The following CHRM3 variants were observed in gnomAD, a reference collection of about 807,000 sequenced individuals.
The protein encoded by CHRM3 is muscarinic acetylcholine receptor M3.
CHRM3 carries 11 observed loss-of-function variants against 41.8 expected under a neutral mutation model. The ratio of observed to expected loss-of-function variants is 0.26; its 90% CI spans 0.17 to 0.44. CHRM3 has a LOEUF of 0.44. Among genes scored for constraint, CHRM3 ranks in the 20% least tolerant of loss-of-function variants. The pLI, the probability that CHRM3 is intolerant of heterozygous loss-of-function variation, is 1.00. For missense variants in CHRM3, 571 were observed against 745.4 expected, an observed-to-expected ratio of 0.77 and a Z score of 2.72; for synonymous variants, 297 against 301.4, an observed-to-expected ratio of 0.99 and a Z score of 0.15.
intron 6 of CHRM3, among the ~76,000 whole-genome samples, chr1:239,831,946 C>T (rs893368035): frequency 1.3e-5 from 2 of 152,212 alleles, no homozygotes. Flanking sequence ...CATTACCATG[C>T]TTTATGTGAT....
At chr1:239,405,605 T>A (rs545294370) in intron 1 of CHRM3, among the ~76,000 whole-genome samples, 2 of 148,988 alleles carry the variant, frequency 1.3e-5, no homozygotes, top group Non-Finnish European at 1.5e-5. Context: ...CATTTTTCTT[T>A]AAAAAAAAAA....
intron 1 of CHRM3, among the ~76,000 whole-genome samples, chr1:239,417,347 C>G (rs191025617): frequency 6.6e-6 from 1 of 152,218 alleles, no homozygotes; most frequent in Non-Finnish European, 1.5e-5. Flanking sequence ...TGAGCTTGTT[C>G]CATTTGGTTG....
At chr1:239,768,645 G>A (rs1274728700) in intron 5 of CHRM3, among the ~76,000 whole-genome samples, 3 of 152,200 alleles carry the variant, frequency 2.0e-5, no homozygotes, top group Admixed American at 6.5e-5. Context: ...ATCCTTAGAC[G>A]CTGTGGTGAT....
chr1:239,830,455 G>A (rs1311822847), intron 6 of CHRM3, among the ~76,000 whole-genome samples: 2 of 152,186 alleles, frequency 1.3e-5, no homozygotes, highest in Non-Finnish European at 2.9e-5. Flanking sequence ...TGTAATCCCA[G>A]CACTTTGGGA....
intron 2 of CHRM3, among the ~76,000 whole-genome samples, chr1:239,509,453 C>T (rs531995663): frequency 6.6e-6 from 1 of 152,230 alleles, no homozygotes; most frequent in Non-Finnish European, 1.5e-5. Context: ...CCAGGATAAT[C>T]TGTATATAAA....
intron 6 of CHRM3, among the ~76,000 whole-genome samples, chr1:239,860,119 A>C (rs774397225): frequency 6.6e-6 from 1 of 152,108 alleles, no homozygotes; most frequent in Non-Finnish European, 1.5e-5. Flanking sequence ...TTGGCAGATG[A>C]TTAGAATTTC....
intron 2 of CHRM3, among the ~76,000 whole-genome samples, chr1:239,544,768 A>G (rs1277355183): frequency 6.6e-6 from 1 of 152,228 alleles, no homozygotes; most frequent in Non-Finnish European, 1.5e-5. Flanking sequence ...CCATGCTTGC[A>G]TTTTAGAGAA....
chr1:239,876,038 G>T (rs1467331485), intron 6 of CHRM3, among the ~76,000 whole-genome samples: 1 of 152,144 alleles, frequency 6.6e-6, no homozygotes, highest in Non-Finnish European at 1.5e-5. Context: ...AAAGCTGATT[G>T]CCATACCTTT....
At chr1:239,795,527 G>C (rs1669696698) in intron 5 of CHRM3, among the ~76,000 whole-genome samples, 1 of 152,100 alleles carries the variant, frequency 6.6e-6, no homozygotes. Context: ...GTGGAAGTTG[G>C]CTCTCTTTCA....
chr1:239,886,122 G>C (rs1678045562), intron 6 of CHRM3: 1 of 152,182 alleles, frequency 6.6e-6, no homozygotes, highest in African/African-American at 2.4e-5. Flanking sequence ...ATATTTTTGA[G>C]AAAGTAGAGA....
intron 5 of CHRM3, among the ~76,000 whole-genome samples, chr1:239,812,772 A>C (rs1207789687): frequency 6.6e-6 from 1 of 152,202 alleles, no homozygotes; most frequent in African/African-American, 2.4e-5. Context: ...CTCAATTTCC[A>C]ATCCAATGAC....
intron 2 of CHRM3, among the ~76,000 whole-genome samples, chr1:239,527,759 T>A (rs540795949): frequency 7.2e-5 from 11 of 152,304 alleles, no homozygotes; most frequent in African/African-American, 2.6e-4. Context: ...AGTTTCCTCA[T>A]CTACAAAAAT....
chr1:239,588,842 AC>A (rs1435839538), intron 3 of CHRM3, among the ~76,000 whole-genome samples: 1 of 152,186 alleles, frequency 6.6e-6, no homozygotes, highest in East Asian at 1.9e-4. Context: ...AAATGTCCAG[AC>A]CACTTTATAG....
intron 1 of CHRM3, among the ~76,000 whole-genome samples, chr1:239,441,641 T>C (rs1328956119): frequency 6.6e-6 from 1 of 152,224 alleles, no homozygotes; most frequent in Non-Finnish European, 1.5e-5. Flanking sequence ...ACATAGACAA[T>C]GTAAATGTTA....
In CHRM3 at chr1:239,454,477, T is replaced by C. The variant is rs1260198344; in HGVS notation, c.-520-38232T>C. ...TCTGAGCCCTGTCCTTTTTTTTTTC[T>C]TTTTTTTTTATGGAGGCTTCATTAT... On this transcript the variant is annotated intron_variant, in intron 1 of 6. Coordinates refer to ENST00000676153, the MANE Select transcript of CHRM3 (RefSeq NM_001375978.1). Among the ~76,000 whole-genome samples, 9 of 146,716 alleles carry C rather than the reference T, an allele frequency of 6.1e-5. No individual in the cohort carries two copies. The South Asian group carries it at 6.5e-4, about 11-fold the overall frequency.
intron 4 of CHRM3, among the ~76,000 whole-genome samples, chr1:239,650,406 G>A (rs114225699): frequency 1.7e-3 from 254 of 152,176 alleles, no homozygotes; most frequent in African/African-American, 5.6e-3. Flanking sequence ...ATTATTGTGA[G>A]AATAAAAATA....
intron 2 of CHRM3, among the ~76,000 whole-genome samples, chr1:239,544,297 CCT>C (rs1558306014): frequency 2.0e-5 from 3 of 152,126 alleles, no homozygotes; most frequent in African/African-American, 7.2e-5. Flanking sequence ...CATCCTTCCC[CCT>C]GTGATCTAGG....
At position 239,570,402 on chromosome 1, in the gene CHRM3, C is replaced by T. The variant is rs141554506; in HGVS notation, c.-313+24653C>T. On this transcript the variant is annotated intron_variant, in intron 3 of 6. Transcript: ENST00000676153. ...AGTCTCGGGTATTTCTTTATAGCAG[C>T]GTGATAACCAACGAATACAGTGATG... Among the ~76,000 whole-genome samples, 410 of 152,212 alleles carry T rather than the reference C, an allele frequency of 2.7e-3. 1 individual carries two copies. The highest frequency in any genetic ancestry group is 9.5e-3 in the African/African-American group (396 of 41,534).
intron 2 of CHRM3, among the ~76,000 whole-genome samples, chr1:239,529,086 G>A (rs1670192796): frequency 6.6e-6 from 1 of 152,004 alleles, no homozygotes; most frequent in South Asian, 2.1e-4. Flanking sequence ...AGTACTTAAT[G>A]GAGTGGTTCT....
Sources: allele counts gnomAD v4.1 joint callset (sites outside exome capture counted in the v4.1 genomes callset), GRCh38; gene constraint gnomAD v4.1.1; transcripts MANE v1.5; gene names NCBI Gene and HGNC (gene_info 2026-07-23, HGNC 2026-07-21).